Variants in FNIP2 observed in about 807,000 individuals in gnomAD.
FNIP2 encodes the protein folliculin interacting protein 2.
A neutral mutation model predicts 108.7 loss-of-function variants in FNIP2; 32 were observed. The ratio of observed to expected loss-of-function variants is 0.29; its 90% confidence interval spans 0.22 to 0.40. The LOEUF (loss-of-function observed/expected upper bound fraction) is 0.40. Ranked by LOEUF, FNIP2 falls within the 10% of genes least tolerant of loss-of-function variation. FNIP2 has a pLI of 1.00. For synonymous variants in FNIP2, 480 were observed against 496.7 expected (o/e 0.97, Z 0.45); for missense variants, 1,202 against 1,381.6 (o/e 0.87, Z 2.06).
chr4:158,844,285 A>C (rs72695452), intron 7 of FNIP2, among the ~76,000 whole-genome samples: 17 of 151,948 alleles, frequency 1.1e-4, no homozygotes, highest in Non-Finnish European at 2.4e-4. Context: ...TGAGGGGGGG[A>C]AAATAAATCC....
At chr4:158,890,376 A>T (rs764612471) in intron 14 of FNIP2, 22 of 984,772 alleles carry the variant, frequency 2.2e-5, no homozygotes, top group Non-Finnish European at 2.5e-5. Context: ...GTAGGAAAAA[A>T]TGTTGGTCCG....
chr4:158,862,981 G>A, intron 12 of FNIP2, among the ~76,000 whole-genome samples: 1 of 152,216 alleles, frequency 6.6e-6, no homozygotes, highest in African/African-American at 2.4e-5. Flanking sequence ...AAACATAACT[G>A]AGAGCCATTA....
At position 158,868,023 on chromosome 4, in the gene FNIP2, T is replaced by G; in HGVS notation, c.1466-79T>G. ...AGATTGGGAATATAAGTTATCTGTT[T>G]TGCTCTTGTAAAGACGGATATATCT... On this transcript the variant is annotated intron_variant, in intron 12 of 16. Coordinates refer to ENST00000264433, the MANE Select transcript of FNIP2 (RefSeq NM_020840.3). The surrounding 1 kb of genome is among the most constrained non-coding windows in gnomAD (Gnocchi z 4.6). 2 of 1,539,700 alleles carry G rather than the reference T, an allele frequency of 1.3e-6. No individual in the cohort carries two copies. Among genetic ancestry groups the G allele is most frequent in the Non-Finnish European group, 1.8e-6 (2 of 1,136,380 alleles).
Position 158,902,955 on chromosome 4 carries a change from C to T in FNIP2, c.3267-1511C>T, listed in dbSNP as rs548245234. 1.4e-3 allele frequency among the ~76,000 whole-genome samples: 206 copies of T among 152,284 alleles called. 6 individuals are homozygous for T. The South Asian group carries it at 0.024, about 18-fold the overall frequency. ...ATGGGACCCACTGAGCCAGACCACTCGGCTCCCTGGCTTCAGCCCCCTTTC... is the reference window on the plus strand; with the variant it reads ...ATGGGACCCACTGAGCCAGACCACTTGGCTCCCTGGCTTCAGCCCCCTTTC... On this transcript the variant is annotated intron_variant, in intron 16 of 16. Transcript: ENST00000264433.
intron 3 of FNIP2, among the ~76,000 whole-genome samples, chr4:158,830,314 C>T (rs531580910): frequency 7.8e-6 from 1 of 127,530 alleles, no homozygotes; most frequent in East Asian, 2.4e-4. Context: ...GGACTGCGGA[C>T]TGCAGTGGCG....
chr4:158,875,293 C>A (rs1259168344), intron 14 of FNIP2, among the ~76,000 whole-genome samples: 1 of 151,810 alleles, frequency 6.6e-6, no homozygotes. Context: ...CTCTGCAGGG[C>A]AGGGTCATCA....
intron 1 of FNIP2, among the ~76,000 whole-genome samples, chr4:158,786,306 A>G (rs1776222592): frequency 6.6e-6 from 1 of 152,244 alleles, no homozygotes; most frequent in Admixed American, 6.5e-5. Flanking sequence ...TGTGTCCAAG[A>G]TAAATATTCT....
chr4:158,820,873 A>C (rs1450690663), intron 1 of FNIP2, among the ~76,000 whole-genome samples: 1 of 152,220 alleles, frequency 6.6e-6, no homozygotes, highest in Admixed American at 6.5e-5. Context: ...ACTTGATTAT[A>C]TCTGCAGAGA....
At chr4:158,889,679 A>G (rs1414933501) in intron 14 of FNIP2, 1 of 266,570 alleles carries the variant, frequency 3.8e-6, no homozygotes, top group African/African-American at 2.3e-5. Flanking sequence ...TATGGTCAGT[A>G]TGAGAGAAAG....
At position 158,906,380 on chromosome 4, in the gene FNIP2, C is replaced by G. The variant is rs1729848077; in HGVS notation, c.*1836C>G. Reference sequence around the variant, plus strand: ...TGTTTACATGTTTTGGGCACTTTCCCTCATTCACCACCTTCCAGGGTTTCA... The same window carrying G: ...TGTTTACATGTTTTGGGCACTTTCCGTCATTCACCACCTTCCAGGGTTTCA... On this transcript the variant is annotated 3_prime_UTR_variant, in exon 17 of 17. Coordinates refer to ENST00000264433, the MANE Select transcript of FNIP2 (RefSeq NM_020840.3). 1 of 152,200 alleles carries G rather than the reference C, an allele frequency of 6.6e-6. No individual in the cohort carries two copies. The highest frequency in any genetic ancestry group is 6.5e-5 in the Admixed American group (1 of 15,278). 9.4% of individuals were successfully genotyped at this position (152,200 alleles called of 1,614,324 possible). A position where few individuals can be genotyped will look rare whatever the true frequency, so the allele number is the denominator to read the frequency against.
intron 8 of FNIP2, among the ~76,000 whole-genome samples, chr4:158,856,622 T>G (rs947437417): frequency 6.6e-6 from 1 of 152,182 alleles, no homozygotes; most frequent in Admixed American, 6.5e-5. Flanking sequence ...AGATTAGGCA[T>G]GGGGTCAGAA....
intron 1 of FNIP2, among the ~76,000 whole-genome samples, chr4:158,821,113 T>A (rs1777861391): frequency 6.6e-6 from 1 of 152,210 alleles, no homozygotes; most frequent in Non-Finnish European, 1.5e-5. Context: ...AAATGAGGCC[T>A]GGCTTCAATG....
chr4:158,848,057 G>A (rs1779502759), intron 7 of FNIP2, among the ~76,000 whole-genome samples: 1 of 152,208 alleles, frequency 6.6e-6, no homozygotes, highest in South Asian at 2.1e-4. Context: ...CTCACCAGGG[G>A]GAACTTGCCA....
chr4:158,873,809 T>G (rs953797329), intron 14 of FNIP2, among the ~76,000 whole-genome samples: 1 of 152,238 alleles, frequency 6.6e-6, no homozygotes, highest in African/African-American at 2.4e-5. Flanking sequence ...CTTAAATTAG[T>G]GTAAAGTAAT....
intron 8 of FNIP2, 86 bp from the exon 9 acceptor site, chr4:158,858,971 C>A: frequency 9.5e-7 from 1 of 1,050,460 alleles, no homozygotes; most frequent in Non-Finnish European, 1.4e-6. Flanking sequence ...ACTGAATGTT[C>A]TGGGTGTCAT....
chr4:158,880,519 G>A (rs543272154), intron 14 of FNIP2, among the ~76,000 whole-genome samples: 45 of 152,174 alleles, frequency 3.0e-4, no homozygotes, highest in East Asian at 1.9e-3. Context: ...GCAGCACACC[G>A]ACATGGCACA....
In FNIP2 at chr4:158,859,649, A is replaced by G; in HGVS notation, c.1131A>G (p.Glu377=). The G allele has an allele frequency of 6.2e-7, 1 of 1,613,222 alleles. No homozygotes were observed. The highest frequency in any genetic ancestry group is 1.3e-5 in the African/African-American group (1 of 75,036). Reference sequence around the variant, plus strand: ...AGTTTTATGTCAGCCGTTTGATGGAAGCTCTGGGAGAATTCAGGTAAAGTG... The same window carrying G: ...AGTTTTATGTCAGCCGTTTGATGGAGGCTCTGGGAGAATTCAGGTAAAGTG... ...RVQFYVSRLM[E]ALGEFRGTIW... Residue 377 remains glutamate (E), a synonymous_variant, in exon 10 of 17, where the codon GAA becomes GAG. Transcript: ENST00000264433.
chr4:158,776,508 G>T (rs181573126), intron 1 of FNIP2, among the ~76,000 whole-genome samples: 1 of 152,234 alleles, frequency 6.6e-6, no homozygotes, highest in South Asian at 2.1e-4. Context: ...TTGGGGTTAT[G>T]GGGGGAAAAG....
intron 1 of FNIP2, among the ~76,000 whole-genome samples, chr4:158,814,438 A>G (rs1245308311): frequency 6.6e-6 from 1 of 152,204 alleles, no homozygotes; most frequent in East Asian, 1.9e-4. Flanking sequence ...ACTCTAAAAT[A>G]TTAGGCAATT....
Sources: gnomAD v4.1 joint callset for allele counts (sites outside exome capture counted in the v4.1 genomes callset) on GRCh38, gnomAD v4.1.1 for gene constraint, Gnocchi (gnomAD v3.1) non-coding constraint, MANE v1.5 for transcripts, NCBI Gene and HGNC (gene_info 2026-07-23, HGNC 2026-07-21) for gene names.